The following ANKRD30B variants were observed in gnomAD, a reference collection of about 807,000 sequenced individuals.
ANKRD30B encodes the protein ankyrin repeat domain 30B, also known as ankyrin repeat domain-containing protein 30B.
A neutral mutation model predicts 202.2 loss-of-function variants in ANKRD30B; 144 were observed. The ratio of observed to expected loss-of-function variants is 0.71; its 90% CI spans 0.62 to 0.82. The LOEUF (loss-of-function observed/expected upper bound fraction) is 0.82, where lower values mean the gene tolerates loss of function less well. Ranked by LOEUF, ANKRD30B falls within the 40% of genes least tolerant of loss-of-function variation. ANKRD30B has a pLI of 0.00. For missense variants in ANKRD30B, 1,487 were observed against 1,669.1 expected, an observed-to-expected ratio of 0.89 and a Z score of 1.90; for synonymous variants, 508 against 561.3, an observed-to-expected ratio of 0.91 and a Z score of 1.34.
At chr18:14,828,393 C>T (rs1464051823) in intron 33 of ANKRD30B, 85 bp downstream of exon 33, 1 of 981,262 alleles carries the variant, frequency 1.0e-6, no homozygotes, top group Non-Finnish European at 1.5e-6. Flanking sequence ...GTATTCTACT[C>T]TGGGCTAGAC....
chr18:14,818,724 G>A (rs1970250895), intron 30 of ANKRD30B, among the ~76,000 whole-genome samples: 1 of 151,968 alleles, frequency 6.6e-6, no homozygotes, highest in Non-Finnish European at 1.5e-5. Flanking sequence ...GAATTCCATG[G>A]TGTATATGTG....
the ANKRD30B span, among the ~76,000 whole-genome samples, chr18:14,879,156 C>A: frequency 6.6e-5 from 10 of 152,176 alleles, no homozygotes; most frequent in Admixed American, 6.5e-4. Context: ...CTCGGGGCCA[C>A]ATCGACAGTG....
At chr18:14,842,187 A>G (rs1236151197) in intron 37 of ANKRD30B, among the ~76,000 whole-genome samples, 4 of 152,338 alleles carry the variant, frequency 2.6e-5, no homozygotes, top group Non-Finnish European at 5.9e-5. Context: ...AAATAAACAT[A>G]TCAATATTGA....
At chr18:14,896,908 T>C in the ANKRD30B span, among the ~76,000 whole-genome samples, 2 of 151,240 alleles carry the variant, frequency 1.3e-5, no homozygotes, top group East Asian at 3.9e-4. Flanking sequence ...TCAGTTAGTA[T>C]TTTTTCTTTC....
At position 14,749,670 on chromosome 18, in the gene ANKRD30B, C is replaced by CAAAA. The variant is rs55960708; in HGVS notation, c.221+1059_221+1062dup. Reference sequence around the variant, plus strand: ...TAGGTGACAGAGTGAGACTCTGTCTCAAAAAAAAAAAAAAAAAAAAAAAAA... The same window carrying CAAAA: ...TAGGTGACAGAGTGAGACTCTGTCTCAAAAAAAAAAAAAAAAAAAAAAAAAAAAA... On this transcript the variant is annotated intron_variant, in intron 1 of 43. Transcript: ENST00000690538. Among the ~76,000 whole-genome samples the CAAAA allele has an allele frequency of 3.0e-3, 182 of 61,186 alleles. 9 individuals carry two copies. The highest frequency in any genetic ancestry group is 4.7e-3 in the East Asian group (7 of 1,500). 40.1% of individuals were successfully genotyped at this position (61,186 alleles called of 152,430 possible).
the ANKRD30B span, among the ~76,000 whole-genome samples, chr18:14,896,571 A>G: frequency 6.7e-6 from 1 of 149,024 alleles, no homozygotes; most frequent in Non-Finnish European, 1.5e-5. Context: ...TTATTTATTT[A>G]TGTCCCAAAT....
the ANKRD30B span, among the ~76,000 whole-genome samples, chr18:14,860,764 G>C: frequency 2.0e-5 from 3 of 152,078 alleles, no homozygotes; most frequent in African/African-American, 7.2e-5. Flanking sequence ...GAGTGCAGTG[G>C]TGTGATGTCA....
chr18:14,863,117 T>G, the ANKRD30B span, among the ~76,000 whole-genome samples: 10 of 152,210 alleles, frequency 6.6e-5, no homozygotes, highest in African/African-American at 2.4e-4. Context: ...TTGAGATTTT[T>G]GGGGACTACT....
In ANKRD30B at chr18:14,854,205, G is replaced by C. The variant is rs1971999114; in HGVS notation, c.*47G>C. Among the ~76,000 whole-genome samples the C allele has an allele frequency of 6.6e-6, 1 of 151,220 alleles. No homozygotes were observed. The highest frequency in any genetic ancestry group is 1.9e-4 in the East Asian group (1 of 5,168). ...TTTTTTTTTCAGATTAAACAGTAAA[G>C]TTTATTGTGAACATTTGCTTCTTTT... On this transcript the variant is annotated 3_prime_UTR_variant, in exon 44 of 44. Transcript: ENST00000690538.
the ANKRD30B span, among the ~76,000 whole-genome samples, chr18:14,887,049 G>A: frequency 1.3e-5 from 2 of 152,050 alleles, no homozygotes; most frequent in African/African-American, 4.8e-5. Flanking sequence ...TTTATGTAAA[G>A]GGACTTGAAT....
At chr18:14,922,838 A>G in the ANKRD30B span, among the ~76,000 whole-genome samples, 1 of 152,170 alleles carries the variant, frequency 6.6e-6, no homozygotes, top group Non-Finnish European at 1.5e-5. Flanking sequence ...GAGGCAGATC[A>G]GCTCACAGCA....
Position 14,758,836 on chromosome 18 carries a change from T to A in ANKRD30B, c.755+884T>A, listed in dbSNP as rs149721601. Among the ~76,000 whole-genome samples the A allele has an allele frequency of 6.5e-3, 997 of 152,278 alleles. 13 individuals are homozygous for A. The highest frequency in any genetic ancestry group is 0.023 in the African/African-American group (943 of 41,564). On this transcript the variant is annotated intron_variant, in intron 5 of 43. Transcript: ENST00000690538. ...TACTGTTACAGGAAGAAATTAGAGA[T>A]CCATTTTTATTTTGTTACCAGATCT...
chr18:14,937,699 A>G, the ANKRD30B span, among the ~76,000 whole-genome samples: 1 of 152,246 alleles, frequency 6.6e-6, no homozygotes, highest in African/African-American at 2.4e-5. Context: ...ATTGTCCTCA[A>G]TAAATCTGTG....
the ANKRD30B span, among the ~76,000 whole-genome samples, chr18:14,866,327 TTAGGAGGGTGGCCTGAGTGG>T: frequency 2.0e-5 from 3 of 151,486 alleles, no homozygotes; most frequent in African/African-American, 7.3e-5. Context: ...GGCTGGAGTG[TTAGGAGGGTGGCCTGAGTGG>T]TAGGAGGGTG....
At chr18:14,878,342 A>G in the ANKRD30B span, among the ~76,000 whole-genome samples, 5 of 150,800 alleles carry the variant, frequency 3.3e-5, no homozygotes, top group Admixed American at 6.7e-5. Flanking sequence ...TGCAACACAG[A>G]GAATCTAGAA....
the ANKRD30B span, chr18:14,884,190 G>T: frequency 7.4e-6 from 1 of 135,156 alleles, no homozygotes; most frequent in Non-Finnish European, 1.6e-5. Context: ...CTCACACTCT[G>T]ATTTCTTGCT....
At chr18:14,897,954 A>G in the ANKRD30B span, among the ~76,000 whole-genome samples, 1 of 152,240 alleles carries the variant, frequency 6.6e-6, no homozygotes, top group Non-Finnish European at 1.5e-5. Context: ...TTCTTTCAGT[A>G]ACGCTTTATT....
At chr18:14,883,363 CTGTCTG>C in the ANKRD30B span, among the ~76,000 whole-genome samples, 2 of 77,514 alleles carry the variant, frequency 2.6e-5, no homozygotes, top group Non-Finnish European at 5.2e-5. Flanking sequence ...CTCTCTCTGT[CTGTCTG>C]TCTCTCTCTC....
chr18:14,925,693 T>C, the ANKRD30B span, among the ~76,000 whole-genome samples: 1 of 152,126 alleles, frequency 6.6e-6, no homozygotes, highest in East Asian at 1.9e-4. Context: ...ACAGCCCAGA[T>C]GGTGGGCTGT....
Sources: allele counts gnomAD v4.1 joint callset (sites outside exome capture counted in the v4.1 genomes callset), GRCh38; gene constraint gnomAD v4.1.1; transcripts MANE v1.5; gene names NCBI Gene and HGNC (gene_info 2026-07-23, HGNC 2026-07-21).